Variants in PTPRO observed in about 807,000 individuals in gnomAD.
The protein encoded by PTPRO is protein tyrosine phosphatase receptor type O.
In PTPRO, 62 loss-of-function variants were observed where a neutral mutation model predicts 145.2. That is an observed-to-expected ratio of 0.43 (90% confidence interval 0.35 to 0.53). The LOEUF (loss-of-function observed/expected upper bound fraction) is 0.53, where lower values mean the gene tolerates loss of function less well. Among genes scored for constraint, PTPRO ranks in the 20% least tolerant of loss-of-function variants. PTPRO has a pLI of 0.01. For missense variants in PTPRO, 1,345 were observed against 1,482.7 expected, an observed-to-expected ratio of 0.91 and a Z score of 1.53; for synonymous variants, 565 against 514.7, an observed-to-expected ratio of 1.10 and a Z score of -1.32.
In PTPRO at chr12:15,515,384, G is replaced by A. The variant is rs1382001135; in HGVS notation, c.1465-114G>A. On this transcript the variant is annotated intron_variant, in intron 7 of 26. Coordinates refer to ENST00000281171, the MANE Select transcript of PTPRO (RefSeq NM_030667.3). ...TCTGACAGCTTCAGTAAAGCCTTCT[G>A]GATTTCAAAGTCATCTGTGATTCCA... 3 of 1,392,712 alleles carry A rather than the reference G, an allele frequency of 2.2e-6. No individual in the cohort carries two copies. The East Asian group carries it at 7.0e-5, about 32-fold the overall frequency. The allele number at this position is 1,392,712 out of a possible 1,614,324, so 86.3% of individuals were successfully genotyped here.
chr12:15,388,627 T>C (rs545576036), intron 1 of PTPRO, among the ~76,000 whole-genome samples: 18 of 152,324 alleles, frequency 1.2e-4, no homozygotes, highest in African/African-American at 4.3e-4. Context: ...CATGTGGGTA[T>C]TTTTTATTTT....
intron 1 of PTPRO, among the ~76,000 whole-genome samples, chr12:15,479,394 C>A (rs1941730836): frequency 2.0e-5 from 3 of 152,198 alleles, no homozygotes; most frequent in Admixed American, 2.0e-4. Flanking sequence ...CTGTAATCAG[C>A]CAGCTGGACA....
chr12:15,503,816 C>G, intron 5 of PTPRO, 92 bp from the exon 6 acceptor site: 1 of 1,016,754 alleles, frequency 9.8e-7, no homozygotes, highest in Non-Finnish European at 1.4e-6. Flanking sequence ...ACATTTAAAA[C>G]ACCTAATTTT....
intron 23 of PTPRO, 120 bp downstream of exon 23, chr12:15,581,921 T>A: frequency 7.4e-7 from 1 of 1,347,050 alleles, no homozygotes; most frequent in Non-Finnish European, 1.0e-6. Context: ...CACAAAAATA[T>A]CGAGTGTGGA....
Position 15,379,322 on chromosome 12 carries a change from C to T in PTPRO, c.75+56521C>T, listed in dbSNP as rs924360675. On this transcript the variant is annotated intron_variant, in intron 1 of 26. Transcript: ENST00000281171. Reference sequence around the variant, plus strand: ...TCACCTTAGGTCAGGAGTTCAAGACCAGCCTTGCCAACATGGTGAAACCCC... The same window carrying T: ...TCACCTTAGGTCAGGAGTTCAAGACTAGCCTTGCCAACATGGTGAAACCCC... Among the ~76,000 whole-genome samples, 13 of 149,942 alleles carry T rather than the reference C, an allele frequency of 8.7e-5. No individual in the cohort carries two copies. In the South Asian group the frequency reaches 1.7e-3, roughly 20 times the overall value.
intron 1 of PTPRO, among the ~76,000 whole-genome samples, chr12:15,482,304 C>G (rs1375787002): frequency 6.6e-6 from 1 of 151,874 alleles, no homozygotes. Context: ...AGATAAATAC[C>G]ACGTTTTTAC....
chr12:15,342,461 C>T (rs1867032684), intron 1 of PTPRO, among the ~76,000 whole-genome samples: 1 of 152,008 alleles, frequency 6.6e-6, no homozygotes, highest in Non-Finnish European at 1.5e-5. Context: ...CAATTGTGTG[C>T]CAAATACTGT....
At chr12:15,359,555 A>G (rs1938109529) in intron 1 of PTPRO, among the ~76,000 whole-genome samples, 1 of 148,604 alleles carries the variant, frequency 6.7e-6, no homozygotes, top group Non-Finnish European at 1.5e-5. Context: ...GGCACCCACC[A>G]CCACGCCTAG....
chr12:15,428,576 AT>A (rs1224347685), intron 1 of PTPRO, among the ~76,000 whole-genome samples: 2 of 152,154 alleles, frequency 1.3e-5, no homozygotes, highest in East Asian at 1.9e-4. Context: ...ATAAAAAAGG[AT>A]TTTTTTATAA....
At chr12:15,380,907 T>C (rs188852610) in intron 1 of PTPRO, among the ~76,000 whole-genome samples, 5 of 152,242 alleles carry the variant, frequency 3.3e-5, no homozygotes, top group Admixed American at 2.6e-4. Context: ...TTTACCGCTG[T>C]GAATGGATTT....
intron 1 of PTPRO, among the ~76,000 whole-genome samples, chr12:15,462,696 T>C (rs557233846): frequency 6.6e-6 from 1 of 152,314 alleles, no homozygotes; most frequent in African/African-American, 2.4e-5. Context: ...AAGCTCTAAA[T>C]ATTGCTTTAA....
chr12:15,542,124 C>T (rs1943193213), intron 12 of PTPRO, among the ~76,000 whole-genome samples: 1 of 152,102 alleles, frequency 6.6e-6, no homozygotes, highest in African/African-American at 2.4e-5. Flanking sequence ...ATCAAAATGC[C>T]TTTGATGTCA....
At position 15,358,577 on chromosome 12, in the gene PTPRO, C is replaced by T. The variant is rs192757293; in HGVS notation, c.75+35776C>T. ...GCTCTGTTCAGTCAGGCTTTGGATC[C>T]TGGAGACTCTCTAATCTAGTTTCTA... is the stretch of plus-strand genomic sequence containing the variant. On this transcript the variant is annotated intron_variant, in intron 1 of 26. Coordinates refer to ENST00000281171, the MANE Select transcript of PTPRO (RefSeq NM_030667.3). 3.3e-5 allele frequency among the ~76,000 whole-genome samples: 5 copies of T among 152,218 alleles called. No individual in the cohort carries two copies. In the East Asian group the frequency reaches 9.7e-4, roughly 29 times the overall value.
chr12:15,580,278 G>A (rs1336025717), intron 21 of PTPRO, among the ~76,000 whole-genome samples, 163 bp downstream of exon 21: 1 of 152,116 alleles, frequency 6.6e-6, no homozygotes, highest in African/African-American at 2.4e-5. Flanking sequence ...AGAATAGAAA[G>A]AAAAAGTCCA....
At chr12:15,549,257 C>G in intron 14 of PTPRO, 31 bp downstream of exon 14, 1 of 1,526,834 alleles carries the variant, frequency 6.5e-7, no homozygotes, top group Non-Finnish European at 8.8e-7. Flanking sequence ...ATAATTTTCT[C>G]ACTTTTTTTG....
chr12:15,576,965 C>G (rs768616587), intron 19 of PTPRO, among the ~76,000 whole-genome samples: 2 of 152,114 alleles, frequency 1.3e-5, no homozygotes, highest in Non-Finnish European at 2.9e-5. Context: ...CCAAAAGGAA[C>G]TAACCTAAAC....
chr12:15,568,789 C>T (rs1479107316), intron 18 of PTPRO, among the ~76,000 whole-genome samples: 1 of 152,176 alleles, frequency 6.6e-6, no homozygotes, highest in African/African-American at 2.4e-5. Flanking sequence ...ATATGCAAGC[C>T]TCTAAAGATA....
chr12:15,552,776 A>G (rs144295484), intron 15 of PTPRO, among the ~76,000 whole-genome samples: 1 of 147,442 alleles, frequency 6.8e-6, no homozygotes, highest in East Asian at 2.0e-4. Flanking sequence ...CTCTGAAATT[A>G]CACTCCTTGA....
At chr12:15,545,306 T>A (rs896059718) in intron 12 of PTPRO, among the ~76,000 whole-genome samples, 1 of 151,788 alleles carries the variant, frequency 6.6e-6, no homozygotes, top group Non-Finnish European at 1.5e-5. Flanking sequence ...TATAGGTGGA[T>A]GGAGGATGCT....
Sources: allele counts gnomAD v4.1 joint callset (sites outside exome capture counted in the v4.1 genomes callset), GRCh38; gene constraint gnomAD v4.1.1; transcripts MANE v1.5; gene names NCBI Gene and HGNC (gene_info 2026-07-23, HGNC 2026-07-21).